FBXL2: variants seen among roughly 807,000 people sequenced by gnomAD.
FBXL2 encodes the protein F-box/LRR-repeat protein 2.
In FBXL2, 38 loss-of-function variants were observed where a neutral mutation model predicts 69.2. The ratio of observed to expected loss-of-function variants is 0.55; its 90% CI spans 0.42 to 0.72. The LOEUF (loss-of-function observed/expected upper bound fraction) is 0.72. FBXL2 is among the 30% of genes least tolerant of loss of function. FBXL2 has a pLI of 0.00. For missense variants in FBXL2, 354 were observed against 520.3 expected (o/e 0.68, Z 3.11); for synonymous variants, 192 against 201.3 (o/e 0.95, Z 0.39).
intron 2 of FBXL2, among the ~76,000 whole-genome samples, chr3:33,357,305 A>G (rs1345311426): frequency 1.3e-5 from 2 of 152,152 alleles, no homozygotes; most frequent in Non-Finnish European, 2.9e-5. Flanking sequence ...ATTCTACTGT[A>G]CCAGGCTAGT....
At chr3:33,323,265 T>C (rs995491946) in intron 2 of FBXL2, among the ~76,000 whole-genome samples, 1 of 152,196 alleles carries the variant, frequency 6.6e-6, no homozygotes, top group Non-Finnish European at 1.5e-5. Flanking sequence ...AAATTTCACA[T>C]TTCTCATCTA....
At chr3:33,357,681 C>T (rs1027455137) in intron 2 of FBXL2, among the ~76,000 whole-genome samples, 4 of 152,038 alleles carry the variant, frequency 2.6e-5, no homozygotes, top group Non-Finnish European at 5.9e-5. Flanking sequence ...AGGTGCCCGC[C>T]ACCTCGCCCG....
Position 33,383,925 on chromosome 3 carries a change from T to C in FBXL2, c.952-64T>C, listed in dbSNP as rs1323907562. ...GGCAAAAAGGCTAGCTTCCAGCTTTTTTTTAGGACTTGAGCCTTGGAATAA... is the reference window on the plus strand; with the variant it reads ...GGCAAAAAGGCTAGCTTCCAGCTTTCTTTTAGGACTTGAGCCTTGGAATAA... On this transcript the variant is annotated intron_variant, in intron 13 of 14. Transcript: ENST00000484457. 25 of 1,541,992 alleles carry C rather than the reference T, an allele frequency of 1.6e-5. No individual in the cohort carries two copies. In the East Asian group the frequency reaches 5.2e-4, roughly 32 times the overall value.
At chr3:33,368,903 C>T (rs937412490) in intron 5 of FBXL2, among the ~76,000 whole-genome samples, 1 of 151,580 alleles carries the variant, frequency 6.6e-6, no homozygotes, top group African/African-American at 2.4e-5. Flanking sequence ...GCTTTTTATC[C>T]AATATGACAA....
intron 2 of FBXL2, among the ~76,000 whole-genome samples, chr3:33,308,952 T>G (rs2036946280): frequency 6.6e-6 from 1 of 152,224 alleles, no homozygotes; most frequent in Admixed American, 6.5e-5. Flanking sequence ...TGATGTGATT[T>G]CCAACTGCTT....
intron 2 of FBXL2, among the ~76,000 whole-genome samples, chr3:33,336,082 G>A (rs1046069219): frequency 6.6e-5 from 10 of 152,146 alleles, no homozygotes; most frequent in Admixed American, 4.6e-4. Flanking sequence ...TTGTTTGGAA[G>A]TTGGTAAACT....
At chr3:33,314,049 A>G (rs2037450617) in intron 2 of FBXL2, among the ~76,000 whole-genome samples, 1 of 151,592 alleles carries the variant, frequency 6.6e-6, no homozygotes, top group East Asian at 1.9e-4. Context: ...TTATTCCTTT[A>G]TGTCTCTATA....
At chr3:33,392,768 C>A (rs2043820032), downstream of FBXL2, 9 of 648,174 alleles carry the variant, frequency 1.4e-5, no homozygotes, top group Non-Finnish European at 2.3e-5. Flanking sequence ...CAAAGATGCA[C>A]ACGTGCTGCA....
At chr3:33,344,353 T>G (rs1229338952) in intron 2 of FBXL2, among the ~76,000 whole-genome samples, 1 of 152,134 alleles carries the variant, frequency 6.6e-6, no homozygotes, top group East Asian at 1.9e-4. Context: ...GTAGTGAAGA[T>G]GGCCATATAG....
At chr3:33,362,318 C>T (rs2154042449) in intron 4 of FBXL2, among the ~76,000 whole-genome samples, 1 of 152,274 alleles carries the variant, frequency 6.6e-6, no homozygotes, top group Non-Finnish European at 1.5e-5. Context: ...TGAGAAATAA[C>T]TAAGTAGTGT....
intron 2 of FBXL2, among the ~76,000 whole-genome samples, chr3:33,354,161 G>A (rs1473257348): frequency 6.6e-6 from 1 of 152,124 alleles, no homozygotes; most frequent in Non-Finnish European, 1.5e-5. Flanking sequence ...GGGGAACTAT[G>A]TGTGTCTGTT....
rs1030826968 is a variant in FBXL2 at position 33,305,973 on chromosome 3, A to G, written c.65+8248A>G. ...AGTTTACCTATTTCATTAGTCTTCAAAAACTAGCTTTTGGCTTCATTCTTT... is the reference window on the plus strand; with the variant it reads ...AGTTTACCTATTTCATTAGTCTTCAGAAACTAGCTTTTGGCTTCATTCTTT... On this transcript the variant is annotated intron_variant, in intron 2 of 14. Coordinates refer to ENST00000484457, the MANE Select transcript of FBXL2 (RefSeq NM_012157.5). Among the ~76,000 whole-genome samples the G allele has an allele frequency of 7.2e-5, 11 of 152,144 alleles. No homozygotes were observed. In the East Asian group the frequency reaches 1.2e-3, roughly 16 times the overall value.
intron 2 of FBXL2, among the ~76,000 whole-genome samples, chr3:33,315,135 A>G (rs562472052): frequency 6.6e-6 from 1 of 152,276 alleles, no homozygotes; most frequent in African/African-American, 2.4e-5. Flanking sequence ...GTTTCTGCTT[A>G]AAGTGAAATC....
At chr3:33,278,347 A>G (rs1457498822) in intron 1 of FBXL2, 1 of 151,988 alleles carries the variant, frequency 6.6e-6, no homozygotes, top group Non-Finnish European at 1.5e-5. Flanking sequence ...GAGAGGAGCT[A>G]GACTCCTTGC....
chr3:33,331,362 G>C (rs1345487385), intron 2 of FBXL2, among the ~76,000 whole-genome samples: 1 of 152,140 alleles, frequency 6.6e-6, no homozygotes, highest in Non-Finnish European at 1.5e-5. Context: ...ATACCAGGCT[G>C]TCTGTAATGG....
intron 1 of FBXL2, among the ~76,000 whole-genome samples, chr3:33,286,771 G>T (rs1259779581): frequency 6.6e-6 from 1 of 152,192 alleles, no homozygotes; most frequent in Non-Finnish European, 1.5e-5. Context: ...CTCCTGCCTT[G>T]CAGTTCAATC....
chr3:33,381,377 G>A (rs1208046031), intron 13 of FBXL2, among the ~76,000 whole-genome samples: 1 of 152,170 alleles, frequency 6.6e-6, no homozygotes, highest in African/African-American at 2.4e-5. Flanking sequence ...GGGCACGGTG[G>A]CTCACGCCTG....
At chr3:33,418,450 G>A in the FBXL2 span, among the ~76,000 whole-genome samples, 6 of 151,902 alleles carry the variant, frequency 3.9e-5, no homozygotes. Context: ...GTAGAGACAG[G>A]GTTTCGCCAT....
intron 2 of FBXL2, among the ~76,000 whole-genome samples, chr3:33,329,281 A>T (rs953444086): frequency 6.6e-6 from 1 of 152,150 alleles, no homozygotes; most frequent in African/African-American, 2.4e-5. Flanking sequence ...GCTGACAAAG[A>T]TGTAGAGAAA....
Sources: allele counts gnomAD v4.1 joint callset (sites outside exome capture counted in the v4.1 genomes callset), GRCh38; gene constraint gnomAD v4.1.1; transcripts MANE v1.5; gene names NCBI Gene and HGNC (gene_info 2026-07-23, HGNC 2026-07-21).